Variants in PRKAR1B observed in about 807,000 individuals in gnomAD.
PRKAR1B encodes the protein cAMP-dependent protein kinase type I-beta regulatory subunit.
PRKAR1B carries 22 observed loss-of-function variants against 46.5 expected under a neutral mutation model. The ratio of observed to expected loss-of-function variants is 0.47; its 90% CI spans 0.34 to 0.68. PRKAR1B has a LOEUF of 0.68. Among genes scored for constraint, PRKAR1B ranks in the 30% least tolerant of loss-of-function variants. The pLI, the probability that PRKAR1B is intolerant of heterozygous loss-of-function variation, is 0.01. For synonymous variants in PRKAR1B, 259 were observed against 217.7 expected (o/e 1.19, Z -1.67); for missense variants, 445 against 535.6 (o/e 0.83, Z 1.67).
intron 4 of PRKAR1B, among the ~76,000 whole-genome samples, chr7:656,613 A>G (rs908753167): frequency 2.0e-5 from 3 of 151,826 alleles, no homozygotes; most frequent in East Asian, 2.0e-4. Flanking sequence ...GAATGGATGC[A>G]TAAGTGAATG....
intron 4 of PRKAR1B, among the ~76,000 whole-genome samples, chr7:673,062 A>C (rs1167727376): frequency 2.2e-5 from 3 of 137,708 alleles, no homozygotes; most frequent in African/African-American, 2.7e-5. Context: ...AAAAAAAAAA[A>C]AAAAAAAAAA....
At chr7:726,630 C>T (rs894016139) in intron 1 of PRKAR1B, 3 of 1,048,544 alleles carry the variant, frequency 2.9e-6, no homozygotes, top group Admixed American at 4.3e-5. Context: ...GCCCGGCGCC[C>T]CGCCCGCAGC....
At chr7:695,486 C>A (rs1168647713) in intron 2 of PRKAR1B, among the ~76,000 whole-genome samples, 1 of 152,166 alleles carries the variant, frequency 6.6e-6, no homozygotes, top group Non-Finnish European at 1.5e-5. Context: ...GAAGCGCCAT[C>A]TGAATTACGA....
At chr7:591,744 G>A (rs2128453687) in intron 7 of PRKAR1B, among the ~76,000 whole-genome samples, 1 of 152,304 alleles carries the variant, frequency 6.6e-6, no homozygotes, top group South Asian at 2.1e-4. Context: ...CCAGCCTGGA[G>A]ACGCACTGTC....
At position 658,071 on chromosome 7, in the gene PRKAR1B, G is replaced by A. The variant is rs565262188; in HGVS notation, c.440+19158C>T. Among the ~76,000 whole-genome samples, 14 of 152,138 alleles carry A rather than the reference G, an allele frequency of 9.2e-5. No homozygotes were observed. In the South Asian group the frequency reaches 1.5e-3, roughly 16 times the overall value. ...CAGCTCCGTGAGCCAGCATATGGACGGCGAATGTGCTACCCCAACCTCACC... is the reference window on the plus strand; with the variant it reads ...CAGCTCCGTGAGCCAGCATATGGACAGCGAATGTGCTACCCCAACCTCACC... On this transcript the variant is annotated intron_variant, in intron 4 of 10. Transcript: ENST00000537384.
intron 2 of PRKAR1B, among the ~76,000 whole-genome samples, chr7:695,655 G>GTT (rs140312313): frequency 2.0e-5 from 3 of 151,552 alleles, no homozygotes; most frequent in African/African-American, 7.3e-5. Context: ...AATAGGGCTT[G>GTT]TTTTTTTTGT....
intron 7 of PRKAR1B, among the ~76,000 whole-genome samples, chr7:585,504 G>T (rs562842940): frequency 1.3e-5 from 2 of 152,172 alleles, no homozygotes; most frequent in Non-Finnish European, 2.9e-5. Context: ...CCACGCGTTC[G>T]AGTAGGGTGT....
At chr7:584,842 C>T (rs1253152711) in intron 7 of PRKAR1B, among the ~76,000 whole-genome samples, 1 of 152,124 alleles carries the variant, frequency 6.6e-6, no homozygotes, top group Admixed American at 6.5e-5. Flanking sequence ...CAGCCAGGAC[C>T]CGTGGTAGTT....
chr7:691,727 G>T, intron 2 of PRKAR1B: 2 of 1,245,626 alleles, frequency 1.6e-6, no homozygotes, highest in East Asian at 5.7e-5. Context: ...AAACCCCGGG[G>T]AGGGGAATCC....
intron 6 of PRKAR1B, among the ~76,000 whole-genome samples, chr7:596,840 G>C (rs924196405): frequency 6.6e-6 from 1 of 152,242 alleles, no homozygotes; most frequent in Non-Finnish European, 1.5e-5. Context: ...GGAGCCGGGC[G>C]GCCTCAAGTG....
At chr7:671,784 T>C (rs1467609590) in intron 4 of PRKAR1B, among the ~76,000 whole-genome samples, 4 of 152,182 alleles carry the variant, frequency 2.6e-5, no homozygotes, top group African/African-American at 9.7e-5. Flanking sequence ...CCTGCTGAAA[T>C]GAACAAAGCT....
chr7:639,026 CA>C (rs1784262064), intron 4 of PRKAR1B, among the ~76,000 whole-genome samples: 1 of 152,096 alleles, frequency 6.6e-6, no homozygotes, highest in African/African-American at 2.4e-5. Context: ...TGTGTTGAGC[CA>C]AAATCGCGCC....
intron 6 of PRKAR1B, among the ~76,000 whole-genome samples, chr7:601,707 A>T (rs1781608014): frequency 6.6e-6 from 1 of 152,188 alleles, no homozygotes; most frequent in Admixed American, 6.5e-5. Context: ...GTTCGTGCAC[A>T]GCCGCCTGGG....
At chr7:570,137 C>T (rs1007736836) in intron 9 of PRKAR1B, among the ~76,000 whole-genome samples, 21 of 152,210 alleles carry the variant, frequency 1.4e-4, no homozygotes, top group East Asian at 1.9e-4. Context: ...GGCACCTCGG[C>T]GGATCTCACC....
At chr7:627,721 C>T (rs182556667) in intron 4 of PRKAR1B, among the ~76,000 whole-genome samples, 25 of 152,240 alleles carry the variant, frequency 1.6e-4, no homozygotes, top group Non-Finnish European at 5.9e-5. Flanking sequence ...AGCCCCCCGC[C>T]CAGCTCACGC....
At chr7:658,061 G>A (rs768614674) in intron 4 of PRKAR1B, among the ~76,000 whole-genome samples, 1 of 152,132 alleles carries the variant, frequency 6.6e-6, no homozygotes, top group Non-Finnish European at 1.5e-5. Context: ...CCGTGAGCCA[G>A]CATATGGACG....
At chr7:662,173 A>G (rs1288918884) in intron 4 of PRKAR1B, among the ~76,000 whole-genome samples, 6 of 67,440 alleles carry the variant, frequency 8.9e-5, no homozygotes, top group African/African-American at 1.3e-4. Context: ...ACCCCAACAG[A>G]TCCAAATACC....
intron 1 of PRKAR1B, among the ~76,000 whole-genome samples, chr7:723,765 C>T (rs138258459): frequency 1.3e-5 from 2 of 152,294 alleles, no homozygotes; most frequent in South Asian, 2.1e-4. Context: ...CATGGCCTGG[C>T]CCCACCCATC....
intron 9 of PRKAR1B, among the ~76,000 whole-genome samples, chr7:555,708 A>G (rs1778384807): frequency 6.6e-6 from 1 of 152,274 alleles, no homozygotes; most frequent in Middle Eastern, 3.4e-3. Context: ...CGCAGATGGA[A>G]GCCCAGAGAG....
Sources: allele counts gnomAD v4.1 joint callset (sites outside exome capture counted in the v4.1 genomes callset), GRCh38; gene constraint gnomAD v4.1.1; transcripts MANE v1.5; gene names NCBI Gene and HGNC (gene_info 2026-07-23, HGNC 2026-07-21).